Variants in GSTA4 observed in about 807,000 individuals in gnomAD.
GSTA4 encodes the protein glutathione S-transferase alpha 4, also known as glutathione S-transferase A4.
GSTA4 carries 15 observed loss-of-function variants against 24.4 expected under a neutral mutation model. The ratio of observed to expected loss-of-function variants is 0.61; its 90% CI spans 0.41 to 0.95. The LOEUF (loss-of-function observed/expected upper bound fraction) is 0.95, where lower values mean the gene tolerates loss of function less well. Among genes scored for constraint, GSTA4 ranks in the 40% least tolerant of loss-of-function variants. GSTA4 has a pLI of 0.00. For missense variants in GSTA4, 244 were observed against 262.1 expected (o/e 0.93, Z 0.48); for synonymous variants, 92 against 94.2 (o/e 0.98, Z 0.13).
At chr6:52,982,897 G>T (rs574791853) in intron 5 of GSTA4, among the ~76,000 whole-genome samples, 192 bp from the exon 6 acceptor site, 4 of 150,458 alleles carry the variant, frequency 2.7e-5, no homozygotes, top group African/African-American at 9.7e-5. Flanking sequence ...GAGAGAGAGA[G>T]AGAGAGCGAG....
chr6:52,986,649 G>A (rs1763566057), intron 3 of GSTA4, among the ~76,000 whole-genome samples: 1 of 152,176 alleles, frequency 6.6e-6, no homozygotes, highest in South Asian at 2.1e-4. Context: ...GCAGGTGAGG[G>A]GAGAGGCAAG....
At chr6:52,994,312 G>C (rs1218239558) in intron 1 of GSTA4, 51 bp from the exon 2 acceptor site, 17 of 970,492 alleles carry the variant, frequency 1.8e-5, no homozygotes, top group Non-Finnish European at 2.8e-5. Flanking sequence ...CCAATTTCGC[G>C]TCTTCAACCC....
chr6:52,985,614 TC>T (rs1247034304), intron 3 of GSTA4, 31 bp from the exon 4 acceptor site: 1 of 1,609,460 alleles, frequency 6.2e-7, no homozygotes, highest in Non-Finnish European at 8.5e-7. Flanking sequence ...TTAGAAGTGA[TC>T]TTTTCTTCTC....
chr6:52,992,715 T>C (rs1028199345), intron 2 of GSTA4, among the ~76,000 whole-genome samples: 1 of 152,076 alleles, frequency 6.6e-6, no homozygotes, highest in African/African-American at 2.4e-5. Flanking sequence ...GATGGTAAAA[T>C]GAAGGAAACG....
intron 2 of GSTA4, among the ~76,000 whole-genome samples, chr6:52,989,532 T>C (rs1371652801): frequency 6.6e-6 from 1 of 152,120 alleles, no homozygotes; most frequent in Non-Finnish European, 1.5e-5. Flanking sequence ...GTGAATTTAG[T>C]TGAAAAACAT....
chr6:52,994,255 A>G lies in GSTA4; in HGVS notation c.-12T>C. On this transcript the variant is annotated 5_prime_UTR_variant, in exon 2 of 7. Transcript: ENST00000370963. Reference sequence around the variant, plus strand: ...GGCCTTGCTGCCATGATAGCTTTTCAGGCTTTCTGAAATACAAATGCAGCA... The same window carrying G: ...GGCCTTGCTGCCATGATAGCTTTTCGGGCTTTCTGAAATACAAATGCAGCA... 1 of 1,582,146 alleles carries G rather than the reference A, an allele frequency of 6.3e-7. No individual in the cohort carries two copies. Among genetic ancestry groups the G allele is most frequent in the Admixed American group, 1.7e-5 (1 of 59,808 alleles).
At chr6:52,982,851 C>A in intron 5 of GSTA4, 146 bp from the exon 6 acceptor site, 1 of 654,058 alleles carries the variant, frequency 1.5e-6, no homozygotes, top group Non-Finnish European at 2.6e-6. Flanking sequence ...AGAGAACGCA[C>A]CCTATATCTG....
chr6:52,984,179 A>G (rs577365777), intron 5 of GSTA4, among the ~76,000 whole-genome samples: 1 of 152,366 alleles, frequency 6.6e-6, no homozygotes, highest in Non-Finnish European at 1.5e-5. Flanking sequence ...TGCTGTATCC[A>G]CACAAGGTGG....
intron 2 of GSTA4, among the ~76,000 whole-genome samples, chr6:52,990,452 C>T (rs899195243): frequency 6.6e-6 from 1 of 152,160 alleles, no homozygotes; most frequent in Non-Finnish European, 1.5e-5. Context: ...ATGTGGTCAC[C>T]CTGGGAGAGA....
rs1174589892 is a variant in GSTA4, at chr6:52,987,583, T to TA, written c.88-176dup. The TA allele has an allele frequency of 1.8e-5, 9 of 513,676 alleles. No homozygotes were observed. The African/African-American group carries it at 1.8e-4, about 10-fold the overall frequency. The allele number at this position is 513,676 out of a possible 1,614,324, so 31.8% of individuals were successfully genotyped here. Reference sequence around the variant, plus strand: ...CATGTTCTGATTCATATGTGGGAGCTAAAAAAGTGGATCTCATGGAAATAG... The same window carrying TA: ...CATGTTCTGATTCATATGTGGGAGCTAAAAAAAGTGGATCTCATGGAAATAG... On this transcript the variant is annotated intron_variant, in intron 2 of 6. Transcript: ENST00000370963.
intron 2 of GSTA4, among the ~76,000 whole-genome samples, chr6:52,990,263 AC>A (rs1170346433): frequency 6.6e-6 from 1 of 152,168 alleles, no homozygotes; most frequent in Non-Finnish European, 1.5e-5. Flanking sequence ...GGTTTTAGTG[AC>A]CTAGTTACTC....
At chr6:52,990,264 C>T (rs926094330) in intron 2 of GSTA4, among the ~76,000 whole-genome samples, 3 of 152,192 alleles carry the variant, frequency 2.0e-5, no homozygotes, top group Admixed American at 2.0e-4. Flanking sequence ...GTTTTAGTGA[C>T]CTAGTTACTC....
At chr6:52,982,306 C>T (rs1360568104) in intron 6 of GSTA4, among the ~76,000 whole-genome samples, 1 of 151,860 alleles carries the variant, frequency 6.6e-6, no homozygotes, top group Non-Finnish European at 1.5e-5. Context: ...ATCTCTTGAG[C>T]CCAGGAGTTC....
Position 52,978,402 on chromosome 6 carries a change from A to G in GSTA4, c.*68T>C. The G allele has an allele frequency of 6.6e-7, 1 of 1,518,980 alleles. No individual in the cohort carries two copies. The highest frequency in any genetic ancestry group is 9.0e-7 in the Non-Finnish European group (1 of 1,106,194). The allele number at this position is 1,518,980 out of a possible 1,614,324, so 94.1% of individuals were successfully genotyped here. On this transcript the variant is annotated 3_prime_UTR_variant, in exon 7 of 7. Coordinates refer to ENST00000370963, the MANE Select transcript of GSTA4 (RefSeq NM_001512.4). ...TAGCACCATGACAGAGCTGGGATCC[A>G]TTAAGACATGACTGTAGACAATACC...
chr6:52,990,038 C>T (rs1027427313), intron 2 of GSTA4, among the ~76,000 whole-genome samples: 2 of 152,020 alleles, frequency 1.3e-5, no homozygotes, highest in Non-Finnish European at 2.9e-5. Context: ...TATGCAGGGA[C>T]AAGGTGCTCA....
chr6:52,986,207 C>T (rs139451475), intron 3 of GSTA4, among the ~76,000 whole-genome samples: 6 of 152,284 alleles, frequency 3.9e-5, no homozygotes, highest in South Asian at 2.1e-4. Context: ...ACCAGCTACA[C>T]GCAGCTATGT....
At chr6:52,989,972 G>A (rs1164910884) in intron 2 of GSTA4, among the ~76,000 whole-genome samples, 1 of 151,686 alleles carries the variant, frequency 6.6e-6, no homozygotes. Flanking sequence ...AGCCTCCCAA[G>A]AAGCTGAGAT....
At chr6:52,984,401 T>G (rs1001076659) in intron 5 of GSTA4, 63 bp downstream of exon 5, 1 of 1,478,476 alleles carries the variant, frequency 6.8e-7, no homozygotes, top group Non-Finnish European at 9.3e-7. Flanking sequence ...AGGGTGTTTG[T>G]GGCAGCTTCT....
At position 52,985,467 on chromosome 6, in the gene GSTA4, G is replaced by C; in HGVS notation, c.256C>G (p.Leu86Val). 2 of 1,614,096 alleles carry C rather than the reference G, an allele frequency of 1.2e-6. No homozygotes were observed. Among genetic ancestry groups the C allele is most frequent in the South Asian group, 2.2e-5 (2 of 91,076 alleles). ...CCACAGTACAGGGTTCTCTCCTTGA[G>C]GTTCTTGCCAAAGAGATTGTGCTTG... Reference protein sequence around the residue: ...ADKHNLFGKNLKERTLIDMYV... With the variant: ...ADKHNLFGKNVKERTLIDMYV... The change falls in exon 4 of 7, where the codon CTC becomes GTC. Residue 86 changes from leucine (L) to valine (V), a missense_variant. Coordinates refer to ENST00000370963, the MANE Select transcript of GSTA4 (RefSeq NM_001512.4).
Sources: gnomAD v4.1 joint callset for allele counts (sites outside exome capture counted in the v4.1 genomes callset) on GRCh38, gnomAD v4.1.1 for gene constraint, MANE v1.5 for transcripts, NCBI Gene and HGNC (gene_info 2026-07-23, HGNC 2026-07-21) for gene names.